COL19A1: variants seen among roughly 807,000 people sequenced by gnomAD.
COL19A1 encodes collagen type XIX alpha 1 chain.
In COL19A1, 159 loss-of-function variants were observed where a neutral mutation model predicts 190.2. That is an observed-to-expected ratio of 0.84 (90% CI 0.73 to 0.95). The LOEUF (loss-of-function observed/expected upper bound fraction) is 0.95, where lower values mean the gene tolerates loss of function less well. Among genes scored for constraint, COL19A1 ranks in the 40% least tolerant of loss-of-function variants. The pLI, the probability that COL19A1 is intolerant of heterozygous loss-of-function variation, is 0.00. For missense variants in COL19A1, 1,418 were observed against 1,431.9 expected (o/e 0.99, Z 0.16); for synonymous variants, 509 against 458.9 (o/e 1.11, Z -1.39).
At chr6:69,920,578 G>A (rs1771626083) in intron 4 of COL19A1, among the ~76,000 whole-genome samples, 1 of 151,992 alleles carries the variant, frequency 6.6e-6, no homozygotes, top group Non-Finnish European at 1.5e-5. Context: ...GGAGCACTTC[G>A]ACCAACTTTA....
At chr6:69,883,348 A>G (rs1396658435) in intron 2 of COL19A1, among the ~76,000 whole-genome samples, 2 of 152,196 alleles carry the variant, frequency 1.3e-5, no homozygotes, top group Non-Finnish European at 2.9e-5. Flanking sequence ...ATCCTGTCCT[A>G]TGAGACCTCT....
intron 11 of COL19A1, among the ~76,000 whole-genome samples, chr6:69,974,686 C>T (rs1038913564): frequency 1.3e-4 from 19 of 151,918 alleles, no homozygotes; most frequent in East Asian, 3.8e-4. Flanking sequence ...AAATTTGTTC[C>T]GTATTATTTT....
At chr6:69,922,736 C>T (rs1772075056) in intron 4 of COL19A1, among the ~76,000 whole-genome samples, 1 of 152,118 alleles carries the variant, frequency 6.6e-6, no homozygotes, top group African/African-American at 2.4e-5. Flanking sequence ...CCGCCTCGGC[C>T]TCCCAAAGTG....
At chr6:70,007,381 T>C (rs1777698385) in intron 11 of COL19A1, among the ~76,000 whole-genome samples, 1 of 152,034 alleles carries the variant, frequency 6.6e-6, no homozygotes, top group South Asian at 2.1e-4. Context: ...TTAAAGGATA[T>C]ATACAAAGAT....
rs1484537254 is a variant in COL19A1 at position 69,900,427 on chromosome 6, G to A, written c.266+89G>A. 6 of 697,872 alleles carry A rather than the reference G, an allele frequency of 8.6e-6. No individual in the cohort carries two copies. In the African/African-American group the frequency reaches 9.2e-5, roughly 11 times the overall value. The allele number at this position is 697,872 out of a possible 1,614,324, so 43.2% of individuals were successfully genotyped here. A position where few individuals can be genotyped will look rare whatever the true frequency, so the allele number is the denominator to read the frequency against. On this transcript the variant is annotated intron_variant, in intron 4 of 50. Transcript: ENST00000620364. ...TCAAATAATTTGTTTTAAAAATAAA[G>A]TTTCTCAATAGCATCATCCTCACTG... is the stretch of plus-strand genomic sequence containing the variant.
chr6:70,185,002 C>T (rs2296006), intron 46 of COL19A1, 87 bp downstream of exon 46: 2 of 1,258,836 alleles, frequency 1.6e-6, no homozygotes, highest in Non-Finnish European at 2.2e-6. Flanking sequence ...GTGTGTAGAC[C>T]CCTGCAAATC....
intron 2 of COL19A1, among the ~76,000 whole-genome samples, chr6:69,892,159 G>A (rs756783778): frequency 6.6e-6 from 1 of 152,194 alleles, no homozygotes; most frequent in Non-Finnish European, 1.5e-5. Context: ...TTCCCAAAAA[G>A]GAAACCTCCG....
At chr6:70,177,783 G>C (rs1182487352) in intron 42 of COL19A1, among the ~76,000 whole-genome samples, 1 of 152,138 alleles carries the variant, frequency 6.6e-6, no homozygotes, top group African/African-American at 2.4e-5. Context: ...CTCACATCCT[G>C]TGATTTGAAT....
chr6:69,944,427 G>T (rs1189521814), intron 9 of COL19A1, among the ~76,000 whole-genome samples: 2 of 152,096 alleles, frequency 1.3e-5, no homozygotes, highest in Non-Finnish European at 2.9e-5. Context: ...GCTATTTCTA[G>T]AAACTGTAAG....
chr6:70,182,134 T>C (rs1426581822), intron 44 of COL19A1, among the ~76,000 whole-genome samples: 1 of 152,016 alleles, frequency 6.6e-6, no homozygotes, highest in Non-Finnish European at 1.5e-5. Context: ...GACAGAACAG[T>C]AAGAAAACAT....
intron 17 of COL19A1, among the ~76,000 whole-genome samples, chr6:70,124,193 C>A (rs1205610032): frequency 6.6e-6 from 1 of 152,002 alleles, no homozygotes; most frequent in Admixed American, 6.6e-5. Flanking sequence ...TAAATTTAAT[C>A]AATTTAATGA....
At chr6:70,120,064 C>T (rs1784798753) in intron 16 of COL19A1, among the ~76,000 whole-genome samples, 1 of 152,166 alleles carries the variant, frequency 6.6e-6, no homozygotes, top group South Asian at 2.1e-4. Context: ...GCACTCCAGC[C>T]TGGGTGACAG....
intron 11 of COL19A1, among the ~76,000 whole-genome samples, chr6:69,973,624 T>G (rs1229117101): frequency 2.0e-5 from 2 of 101,816 alleles, no homozygotes; most frequent in African/African-American, 3.0e-5. Context: ...TTTTTTAAAT[T>G]AAGAAAAACA....
At chr6:69,873,816 T>G (rs1424470650) in intron 1 of COL19A1, among the ~76,000 whole-genome samples, 1 of 152,156 alleles carries the variant, frequency 6.6e-6, no homozygotes, top group Non-Finnish European at 1.5e-5. Flanking sequence ...CTCCATAGCC[T>G]TCTTAATATG....
chr6:70,180,568 T>C, intron 44 of COL19A1, 45 bp downstream of exon 44: 2 of 1,572,222 alleles, frequency 1.3e-6, no homozygotes, highest in Non-Finnish European at 1.8e-6. Flanking sequence ...AGAGAAATGC[T>C]CTAACATTAT....
intron 16 of COL19A1, among the ~76,000 whole-genome samples, chr6:70,114,510 A>T (rs760232105): frequency 6.6e-5 from 10 of 152,226 alleles, no homozygotes; most frequent in Non-Finnish European, 1.3e-4. Context: ...CATGTACCTC[A>T]CACAGTTGTC....
intron 2 of COL19A1, among the ~76,000 whole-genome samples, chr6:69,891,543 C>T (rs1582301239): frequency 1.3e-5 from 2 of 152,148 alleles, no homozygotes; most frequent in East Asian, 1.9e-4. Flanking sequence ...CTAGCAGATA[C>T]GTGGGGTACA....
At chr6:69,963,430 C>T (rs973878367) in intron 11 of COL19A1, among the ~76,000 whole-genome samples, 2 of 152,164 alleles carry the variant, frequency 1.3e-5, no homozygotes, top group Non-Finnish European at 2.9e-5. Context: ...CTCTTAAACC[C>T]CACATAATTA....
At chr6:69,922,477 G>GTT (rs5877232) in intron 4 of COL19A1, among the ~76,000 whole-genome samples, 1,073 of 90,788 alleles carry the variant, frequency 0.012, 24 homozygotes, top group African/African-American at 0.037. Context: ...TTCTATTTAG[G>GTT]TTTTTTTTTT....
Sources: gnomAD v4.1 joint callset for allele counts (sites outside exome capture counted in the v4.1 genomes callset) on GRCh38, gnomAD v4.1.1 for gene constraint, MANE v1.5 for transcripts, NCBI Gene and HGNC (gene_info 2026-07-23, HGNC 2026-07-21) for gene names.